The following HNRNPDL variants were observed in gnomAD, a reference collection of about 807,000 sequenced individuals.
The protein encoded by HNRNPDL is heterogeneous nuclear ribonucleoprotein D like.
In HNRNPDL, 18 loss-of-function variants were observed where a neutral mutation model predicts 48.0. That is an observed-to-expected ratio of 0.38 (90% CI 0.26 to 0.56). The LOEUF (loss-of-function observed/expected upper bound fraction) is 0.56. Among genes scored for constraint, HNRNPDL ranks in the 20% least tolerant of loss-of-function variants. The pLI is 0.77. For synonymous variants in HNRNPDL, 306 were observed against 207.3 expected (o/e 1.48, Z -4.09); for missense variants, 553 against 540.7 (o/e 1.02, Z -0.23).
At position 82,429,512 on chromosome 4, in the gene HNRNPDL, TG is replaced by T. The variant is rs764970578; in HGVS notation, c.178del (p.His60ThrfsTer16). ...ARQGARRAQR[H>X]VTAQQPSRLA... ...TCGGGAGGGCTGCTGGGCGGTGACG[TG>T]GCGCTGGGCCCGGCGCGCCCCCTGC... On this transcript the variant is annotated frameshift_variant, in exon 1 of 8. Coordinates refer to ENST00000295470, the MANE Select transcript of HNRNPDL (RefSeq NM_031372.4). LOFTEE classifies it high-confidence loss of function. 2 of 1,523,050 alleles carry T rather than the reference TG, an allele frequency of 1.3e-6. No individual in the cohort carries two copies. Among genetic ancestry groups the T allele is most frequent in the Admixed American group, 2.1e-5 (1 of 46,720 alleles). The allele number at this position is 1,523,050 out of a possible 1,614,324, so 94.3% of individuals were successfully genotyped here. A position where few individuals can be genotyped will look rare whatever the true frequency, so the allele number is the denominator to read the frequency against.
At chr4:82,427,769 T>A (rs1233539700) in intron 3 of HNRNPDL, among the ~76,000 whole-genome samples, 1 of 152,256 alleles carries the variant, frequency 6.6e-6, no homozygotes, top group Non-Finnish European at 1.5e-5. Context: ...TATTATTTTG[T>A]ACCCAAAGAT....
At chr4:82,426,002 A>G in intron 7 of HNRNPDL, 35 bp downstream of exon 7, 1 of 1,257,558 alleles carries the variant, frequency 8.0e-7, no homozygotes, top group Non-Finnish European at 1.2e-6. Flanking sequence ...ATTAAATTAG[A>G]CATTTCTACT....
chr4:82,429,199 G>C, intron 1 of HNRNPDL, 49 bp downstream of exon 1: 1 of 1,560,706 alleles, frequency 6.4e-7, no homozygotes, highest in Non-Finnish European at 8.8e-7. Flanking sequence ...AACGAAGGGC[G>C]CGTGCGGCGC....
rs763739966 is a variant in HNRNPDL at position 82,426,653 on chromosome 4, T to C, written c.1022-20A>G. On this transcript the variant is annotated intron_variant, in intron 5 of 7. Transcript: ENST00000295470. ...CCTGACCTGAAACAATGCACAATGATTGTTAGGAAACAACTTCTGACCCCC... is the reference window on the plus strand; with the variant it reads ...CCTGACCTGAAACAATGCACAATGACTGTTAGGAAACAACTTCTGACCCCC... The C allele has an allele frequency of 8.1e-6, 13 of 1,609,094 alleles. No homozygotes were observed. The highest frequency in any genetic ancestry group is 1.1e-5 in the Non-Finnish European group (13 of 1,176,228).
At chr4:82,425,903 C>A in intron 7 of HNRNPDL, 134 bp downstream of exon 7, 1 of 621,436 alleles carries the variant, frequency 1.6e-6, no homozygotes, top group South Asian at 2.1e-5. Context: ...GCAAAACAGG[C>A]TCATAAAGCA....
Position 82,424,631 on chromosome 4 carries a change from C to T in HNRNPDL, c.*275G>A, listed in dbSNP as rs1183400607. ...AGTACCTGACGCAGAAAAGCAATCA[C>T]ATAAGGAAGCATTTATTTGAGGTTT... On this transcript the variant is annotated 3_prime_UTR_variant, in exon 8 of 8. Transcript: ENST00000295470. 2.6e-5 allele frequency: 4 copies of T among 152,552 alleles called. No individual in the cohort carries two copies. Among genetic ancestry groups the T allele is most frequent in the Non-Finnish European group, 5.9e-5 (4 of 68,028 alleles). 9.4% of individuals were successfully genotyped at this position (152,552 alleles called of 1,614,324 possible).
At chr4:82,428,571 T>G in intron 1 of HNRNPDL, 125 bp from the exon 2 acceptor site, 1 of 751,450 alleles carries the variant, frequency 1.3e-6, no homozygotes, top group East Asian at 2.7e-5. Context: ...TAATTCATGT[T>G]TACATTTAAT....
At chr4:82,429,084 C>T (rs1578085841) in intron 1 of HNRNPDL, among the ~76,000 whole-genome samples, 164 bp downstream of exon 1, 1 of 152,184 alleles carries the variant, frequency 6.6e-6, no homozygotes, top group East Asian at 1.9e-4. Flanking sequence ...CTCCAGTCAC[C>T]CCCTCGATCT....
rs1469277941 is a variant in HNRNPDL at position 82,424,491 on chromosome 4, CGCTG to C, written c.*411_*414del. The C allele has an allele frequency of 1.3e-5, 2 of 152,602 alleles. No homozygotes were observed. Among genetic ancestry groups the C allele is most frequent in the Non-Finnish European group, 2.9e-5 (2 of 68,028 alleles). The allele number at this position is 152,602 out of a possible 1,614,324, so 9.5% of individuals were successfully genotyped here. ...ACCTACAAATTGGAGAAGAGGGTGA[CGCTG>C]GCTGGCTATTTATAAAGGACCACAG... On this transcript the variant is annotated 3_prime_UTR_variant, in exon 8 of 8. Coordinates refer to ENST00000295470, the MANE Select transcript of HNRNPDL (RefSeq NM_031372.4).
Position 82,428,398 on chromosome 4 carries a change from C to G in HNRNPDL, c.492G>C (p.Leu164=), listed in dbSNP as rs1196020331. 1.9e-6 allele frequency: 3 copies of G among 1,612,726 alleles called. No individual in the cohort carries two copies. Among genetic ancestry groups the G allele is most frequent in the Non-Finnish European group, 2.5e-6 (3 of 1,178,928 alleles). ...CCCCAAATCGAGACAAGTACTCTGT[C>G]AGATCTTTTTTGCTTGTATCCCAGC... ...GLSWDTSKKD[L]TEYLSRFGEV... is the part of the protein sequence containing the mutation. The change falls in exon 2 of 8, where the codon CTG becomes CTC. Residue 164 remains leucine (L), a synonymous_variant. Transcript: ENST00000295470.
intron 5 of HNRNPDL, 39 bp from the exon 6 acceptor site, chr4:82,426,672 G>T (rs376313318): frequency 1.5e-5 from 24 of 1,558,482 alleles, no homozygotes; most frequent in African/African-American, 4.1e-5. Context: ...AACAACTTCT[G>T]ACCCCCAATT....
rs1560456867 is a variant in HNRNPDL at position 82,426,440 on chromosome 4, AAAATT to A, written c.1192+18_1192+22del. ...ATGAATTTTAATACCACTGCTTTAT[AAAATT>A]AAGTTAAATATTCTTACCACTGTAG... On this transcript the variant is annotated intron_variant, in intron 6 of 7. Transcript: ENST00000295470. The A allele has an allele frequency of 6.3e-7, 1 of 1,590,014 alleles. No individual in the cohort carries two copies.
At chr4:82,426,430 A>G in intron 6 of HNRNPDL, 33 bp downstream of exon 6, 1 of 1,554,220 alleles carries the variant, frequency 6.4e-7, no homozygotes, top group Non-Finnish European at 8.9e-7. Flanking sequence ...TTTTAATACC[A>G]CTGCTTTATA....
chr4:82,425,005 A>AT (rs1478791330), intron 7 of HNRNPDL, 122 bp from the exon 8 acceptor site: 2 of 152,244 alleles, frequency 1.3e-5, no homozygotes, highest in Non-Finnish European at 2.9e-5. Context: ...GATCATATGC[A>AT]TATTTATTGG....
In HNRNPDL at chr4:82,429,559, C is replaced by A; in HGVS notation, c.132G>T (p.Ser44=). The A allele has an allele frequency of 7.0e-7, 1 of 1,437,568 alleles. No individual in the cohort carries two copies. The highest frequency in any genetic ancestry group is 9.1e-7 in the Non-Finnish European group (1 of 1,100,110). The allele number at this position is 1,437,568 out of a possible 1,614,324, so 89.1% of individuals were successfully genotyped here. ...CCTGCCGGGCGGAGCTGGGAGCGAGCGAAGGGAGGAGCGGGGCTAGCTGCC... is the reference window on the plus strand; with the variant it reads ...CCTGCCGGGCGGAGCTGGGAGCGAGAGAAGGGAGGAGCGGGGCTAGCTGCC... ...PPRQLAPLLP[S]LAPSSARQGA... The change falls in exon 1 of 8, where the codon TCG becomes TCT. Residue 44 remains serine (S), a synonymous_variant. Transcript: ENST00000295470.
chr4:82,426,748 T>C (rs1344250501), intron 5 of HNRNPDL, 115 bp from the exon 6 acceptor site: 14 of 812,320 alleles, frequency 1.7e-5, no homozygotes, highest in South Asian at 6.5e-5. Flanking sequence ...TGGACATATA[T>C]ATTGCTATCT....
rs1258860286 is a variant in HNRNPDL, at chr4:82,426,643, T to G, written c.1022-10A>C. The G allele has an allele frequency of 6.2e-6, 10 of 1,611,936 alleles. No homozygotes were observed. Among genetic ancestry groups the G allele is most frequent in the Non-Finnish European group, 8.5e-6 (10 of 1,178,522 alleles). ...CAGTTTTGGCCCTGACCTGAAACAA[T>G]GCACAATGATTGTTAGGAAACAACT... On this transcript the variant is annotated splice_polypyrimidine_tract_variant and intron_variant, in intron 5 of 7. Transcript: ENST00000295470.
rs1300645917 is a variant in HNRNPDL, at chr4:82,423,636, T to C, written c.*1270A>G. On this transcript the variant is annotated 3_prime_UTR_variant, in exon 8 of 8. Transcript: ENST00000295470. ...CTGTGAACACGTATGCCAATCCCAG[T>C]AAATAACACTGAGGCCAAGGTCCCA... 6.6e-6 allele frequency: 1 copy of C among 152,108 alleles called. No homozygotes were observed. Among genetic ancestry groups the C allele is most frequent in the Non-Finnish European group, 1.5e-5 (1 of 68,026 alleles). 9.4% of individuals were successfully genotyped at this position (152,108 alleles called of 1,614,324 possible).
Position 82,430,030 on chromosome 4 carries a change from C to T in HNRNPDL, c.-340G>A, listed in dbSNP as rs1453006556. 2.4e-5 allele frequency: 4 copies of T among 169,198 alleles called. No individual in the cohort carries two copies. Among genetic ancestry groups the T allele is most frequent in the Non-Finnish European group, 2.5e-5 (2 of 79,556 alleles). 10.5% of individuals were successfully genotyped at this position (169,198 alleles called of 1,614,324 possible). A position where few individuals can be genotyped will look rare whatever the true frequency, so the allele number is the denominator to read the frequency against. On this transcript the variant is annotated 5_prime_UTR_variant, in exon 1 of 8. Transcript: ENST00000295470. ...GCGCTGGCGACTGAGGCGGCGAGCG[C>T]GCTCGCCCGCCGCGCGCACGCGTGT...
Sources: allele counts gnomAD v4.1 joint callset (sites outside exome capture counted in the v4.1 genomes callset), GRCh38; gene constraint gnomAD v4.1.1; transcripts MANE v1.5; gene names NCBI Gene and HGNC (gene_info 2026-07-23, HGNC 2026-07-21).